TMEM117: variants seen among roughly 807,000 people sequenced by gnomAD.
The protein encoded by TMEM117 is transmembrane protein 117.
TMEM117 carries 27 observed loss-of-function variants against 52.4 expected under a neutral mutation model. The observed-to-expected ratio is 0.51, with a 90% CI of 0.38 to 0.71. The LOEUF (loss-of-function observed/expected upper bound fraction) is 0.71. TMEM117 is among the 30% of genes least tolerant of loss of function. The pLI is 0.00. For synonymous variants in TMEM117, 215 were observed against 206.3 expected (o/e 1.04, Z -0.36); for missense variants, 556 against 630.5 (o/e 0.88, Z 1.26).
intron 4 of TMEM117, among the ~76,000 whole-genome samples, chr12:44,197,303 G>A (rs60300926): frequency 6.6e-6 from 1 of 151,890 alleles, no homozygotes; most frequent in Non-Finnish European, 1.5e-5. Flanking sequence ...CTCCATCCCT[G>A]TATACATTTT....
chr12:44,256,701 A>G (rs1236654807), intron 5 of TMEM117, among the ~76,000 whole-genome samples: 1 of 152,096 alleles, frequency 6.6e-6, no homozygotes, highest in Non-Finnish European at 1.5e-5. Flanking sequence ...ATAAAATAAC[A>G]TGGGCTTTCA....
At chr12:44,087,135 T>C (rs1384711010) in intron 3 of TMEM117, among the ~76,000 whole-genome samples, 1 of 151,406 alleles carries the variant, frequency 6.6e-6, no homozygotes, top group Non-Finnish European at 1.5e-5. Flanking sequence ...CTATCCTAGT[T>C]GTTTTTACTT....
intron 6 of TMEM117, among the ~76,000 whole-genome samples, chr12:44,344,279 G>T (rs1206529899): frequency 6.6e-6 from 1 of 152,086 alleles, no homozygotes. Flanking sequence ...TAGGAGTATG[G>T]TTTTCACCAA....
intron 5 of TMEM117, among the ~76,000 whole-genome samples, chr12:44,269,491 TA>T (rs1229519762): frequency 6.6e-6 from 1 of 151,976 alleles, no homozygotes; most frequent in African/African-American, 2.4e-5. Flanking sequence ...CAATTATTCT[TA>T]TTTTTTTTTT....
chr12:44,192,099 C>T lies in TMEM117; in HGVS notation c.511-19191C>T, dbSNP rs193201987. ...TAAACACTTATTTTTATAAGCTTCC[C>T]TCTAGTGATATATACTCAATCTTAG... On this transcript the variant is annotated intron_variant, in intron 4 of 7. Coordinates refer to ENST00000266534, the MANE Select transcript of TMEM117 (RefSeq NM_032256.3). Among the ~76,000 whole-genome samples the T allele has an allele frequency of 8.5e-5, 13 of 152,220 alleles. No homozygotes were observed. In the East Asian group the frequency reaches 2.5e-3, roughly 29 times the overall value.
the TMEM117 span, among the ~76,000 whole-genome samples, chr12:43,820,464 G>A: frequency 6.6e-6 from 1 of 151,822 alleles, no homozygotes; most frequent in African/African-American, 2.4e-5. Context: ...TAGTAGAGAC[G>A]AGGTTTCACC....
chr12:44,342,602 C>T (rs1292554002), intron 6 of TMEM117, among the ~76,000 whole-genome samples: 1 of 143,760 alleles, frequency 7.0e-6, no homozygotes, highest in East Asian at 2.0e-4. Flanking sequence ...AAAGGGTGAA[C>T]TGAGGAGAGG....
At chr12:44,294,191 CT>C (rs1565682224) in intron 5 of TMEM117, among the ~76,000 whole-genome samples, 1 of 152,060 alleles carries the variant, frequency 6.6e-6, no homozygotes, top group East Asian at 1.9e-4. Context: ...GGGTACCCTT[CT>C]TTGTGATGAG....
chr12:43,905,792 C>A (rs1245274180), intron 2 of TMEM117, among the ~76,000 whole-genome samples: 3 of 152,140 alleles, frequency 2.0e-5, no homozygotes, highest in Non-Finnish European at 4.4e-5. Flanking sequence ...AGTCTGATGA[C>A]ATCCTTATTT....
chr12:44,116,126 A>G (rs1436667803), intron 3 of TMEM117, among the ~76,000 whole-genome samples: 1 of 152,190 alleles, frequency 6.6e-6, no homozygotes, highest in African/African-American at 2.4e-5. Context: ...TAACAGATAT[A>G]TTTCAATTCT....
intron 6 of TMEM117, among the ~76,000 whole-genome samples, chr12:44,309,416 A>G (rs1592682320): frequency 6.6e-6 from 1 of 152,250 alleles, no homozygotes; most frequent in East Asian, 1.9e-4. Context: ...GCTCAGTGTC[A>G]AGTCTAGTTA....
At chr12:44,159,158 G>C (rs1319891808) in intron 4 of TMEM117, among the ~76,000 whole-genome samples, 1 of 152,132 alleles carries the variant, frequency 6.6e-6, no homozygotes, top group African/African-American at 2.4e-5. Flanking sequence ...AGCAGAAATG[G>C]TGAATGGCAA....
chr12:44,245,253 G>A (rs1950114663), intron 5 of TMEM117, among the ~76,000 whole-genome samples: 1 of 151,628 alleles, frequency 6.6e-6, no homozygotes, highest in Non-Finnish European at 1.5e-5. Flanking sequence ...TGGAATTATA[G>A]TAGCAATTGC....
chr12:43,837,571 T>C (rs1408166482), intron 1 of TMEM117, among the ~76,000 whole-genome samples: 1 of 152,124 alleles, frequency 6.6e-6, no homozygotes, highest in African/African-American at 2.4e-5. Flanking sequence ...GGTCTCGAAC[T>C]CTTGACTTCG....
intron 4 of TMEM117, among the ~76,000 whole-genome samples, chr12:44,172,530 C>T (rs1347704371): frequency 6.6e-6 from 1 of 152,174 alleles, no homozygotes; most frequent in Non-Finnish European, 1.5e-5. Context: ...GGATTAAGGG[C>T]TCACCTATTC....
At chr12:44,022,523 C>T (rs1946471466) in intron 3 of TMEM117, among the ~76,000 whole-genome samples, 1 of 152,098 alleles carries the variant, frequency 6.6e-6, no homozygotes, top group Admixed American at 6.5e-5. Context: ...CATAGACATG[C>T]ATATTATGTG....
chr12:44,013,484 G>C lies in TMEM117; in HGVS notation c.410+69142G>C, dbSNP rs531423869. 1.4e-4 allele frequency among the ~76,000 whole-genome samples: 21 copies of C among 152,268 alleles called. No homozygotes were observed. In the South Asian group the frequency reaches 4.4e-3, roughly 32 times the overall value. On this transcript the variant is annotated intron_variant, in intron 3 of 7. Coordinates refer to ENST00000266534, the MANE Select transcript of TMEM117 (RefSeq NM_032256.3). Reference sequence around the variant, plus strand: ...AGGTTAGGCTCTGATAAAATTCCAAGAGGTTAGGGTCTGGAGGGCAGGCCT... The same window carrying C: ...AGGTTAGGCTCTGATAAAATTCCAACAGGTTAGGGTCTGGAGGGCAGGCCT...
intron 4 of TMEM117, among the ~76,000 whole-genome samples, chr12:44,188,459 A>G (rs1360557120): frequency 4.6e-5 from 7 of 152,142 alleles, no homozygotes; most frequent in African/African-American, 1.7e-4. Flanking sequence ...AGCCCTAACT[A>G]TGCCATTCCT....
intron 6 of TMEM117, among the ~76,000 whole-genome samples, chr12:44,321,281 C>A (rs896684006): frequency 1.3e-5 from 2 of 152,188 alleles, no homozygotes; most frequent in East Asian, 3.8e-4. Context: ...GTGCTGACTC[C>A]TTTATACATC....
Sources: allele counts gnomAD v4.1 joint callset (sites outside exome capture counted in the v4.1 genomes callset), GRCh38; gene constraint gnomAD v4.1.1; transcripts MANE v1.5; gene names NCBI Gene and HGNC (gene_info 2026-07-23, HGNC 2026-07-21).